The following DCAKD variants were observed in gnomAD, a reference collection of about 807,000 sequenced individuals.
DCAKD encodes dephospho-CoA kinase domain containing.
DCAKD carries 15 observed loss-of-function variants against 18.7 expected under a neutral mutation model. The ratio of observed to expected loss-of-function variants is 0.80; its 90% CI spans 0.54 to 1.24. The LOEUF is 1.24. Among genes scored for constraint, DCAKD ranks in the 50% most tolerant of loss-of-function variants. The probability of loss-of-function intolerance (pLI) is 0.00; values close to 1 mark genes in which losing one functional copy is unlikely to be tolerated. For synonymous variants in DCAKD, 130 were observed against 133.0 expected, an observed-to-expected ratio of 0.98 and a Z score of 0.16; for missense variants, 301 against 322.0, an observed-to-expected ratio of 0.93 and a Z score of 0.50.
intron 4 of DCAKD, chr17:45,026,439 G>A (rs942456458): frequency 5.4e-6 from 1 of 186,894 alleles, no homozygotes; most frequent in African/African-American, 2.4e-5. Flanking sequence ...TGTTAGCCAG[G>A]ATGGTCTCGA....
intron 3 of DCAKD, 66 bp from the exon 4 acceptor site, chr17:45,030,245 CTGGG>C: frequency 6.8e-7 from 1 of 1,460,114 alleles, no homozygotes; most frequent in Non-Finnish European, 9.6e-7. Context: ...TGATGATATG[CTGGG>C]CCCCACCGTC....
At chr17:45,055,127 T>C (rs2053766991), upstream of DCAKD, among the ~76,000 whole-genome samples, 1 of 152,160 alleles carries the variant, frequency 6.6e-6, no homozygotes, top group Non-Finnish European at 1.5e-5. Flanking sequence ...CTTTTTCAGC[T>C]CAAATATATG....
chr17:45,031,233 G>A (rs182824689), intron 3 of DCAKD: 15 of 985,260 alleles, frequency 1.5e-5, no homozygotes, highest in East Asian at 1.1e-4. Context: ...GGACAATGGC[G>A]GTGGGGGGGT....
chr17:45,034,906 C>A lies in DCAKD; in HGVS notation c.-21G>T, dbSNP rs1369946108. The A allele has an allele frequency of 1.2e-6, 2 of 1,612,810 alleles. No homozygotes were observed. The highest frequency in any genetic ancestry group is 2.2e-5 in the East Asian group (1 of 44,874). ...AACATCTTCCAGGAAAGAGAGCTGT[C>A]CGCGAGACTACGGAGCCAGGAGCTA... is the stretch of plus-strand genomic sequence containing the variant. On this transcript the variant is annotated 5_prime_UTR_variant, in exon 2 of 5. Coordinates refer to ENST00000651974, the MANE Select transcript of DCAKD (RefSeq NM_001288655.2).
At chr17:45,034,579 G>T (rs963582936) in intron 2 of DCAKD, among the ~76,000 whole-genome samples, 189 bp from the exon 3 acceptor site, 8 of 152,170 alleles carry the variant, frequency 5.3e-5, no homozygotes, top group African/African-American at 1.9e-4. Context: ...CTGGTAATGG[G>T]GTACAGCTGG....
At chr17:45,034,461 G>T in intron 2 of DCAKD, 71 bp from the exon 3 acceptor site, 2 of 1,554,828 alleles carry the variant, frequency 1.3e-6, no homozygotes, top group Non-Finnish European at 1.8e-6. Flanking sequence ...CAGTGACCAG[G>T]GGCAAAATGA....
chr17:45,029,026 T>A (rs7209081), intron 4 of DCAKD, among the ~76,000 whole-genome samples: 33,531 of 152,128 alleles, frequency 0.22, 4,247 homozygotes, highest in African/African-American at 0.33. Context: ...TTAAAAAAAA[T>A]GTTTTTATCC....
At chr17:45,025,663 G>T (rs2053038097) in intron 4 of DCAKD, among the ~76,000 whole-genome samples, 1 of 151,928 alleles carries the variant, frequency 6.6e-6, no homozygotes, top group Non-Finnish European at 1.5e-5. Context: ...TCTACCATTT[G>T]GGGTCTTTCT....
chr17:45,056,911 A>G (rs921272053), intron 1 of DCAKD, among the ~76,000 whole-genome samples: 14 of 151,530 alleles, frequency 9.2e-5, no homozygotes, highest in Non-Finnish European at 2.1e-4. Context: ...GGGACTACAG[A>G]CGCCCGCCAC....
At chr17:45,035,453 C>T (rs1447532346) in intron 1 of DCAKD, among the ~76,000 whole-genome samples, 1 of 94,316 alleles carries the variant, frequency 1.1e-5, no homozygotes, top group East Asian at 2.3e-4. Context: ...TGCACTGCAG[C>T]CGTGGGTGAC....
upstream of DCAKD, among the ~76,000 whole-genome samples, chr17:45,055,519 C>G (rs1267125922): frequency 6.6e-6 from 1 of 152,118 alleles, no homozygotes; most frequent in African/African-American, 2.4e-5. Context: ...GCTGGAACCA[C>G]AGGCACACAC....
intron 1 of DCAKD, among the ~76,000 whole-genome samples, chr17:45,038,486 G>A (rs976592827): frequency 3.3e-5 from 5 of 152,174 alleles, no homozygotes; most frequent in Admixed American, 1.3e-4. Flanking sequence ...CTAGACCCCT[G>A]CCTTTAATGT....
At chr17:45,032,737 C>T (rs1436114881) in intron 3 of DCAKD, among the ~76,000 whole-genome samples, 2 of 144,910 alleles carry the variant, frequency 1.4e-5, no homozygotes, top group South Asian at 2.2e-4. Flanking sequence ...GAGCCGAGAT[C>T]GCTCCACTGC....
chr17:45,029,576 G>A (rs1479037373), intron 4 of DCAKD, among the ~76,000 whole-genome samples: 11 of 152,204 alleles, frequency 7.2e-5, no homozygotes, highest in Admixed American at 5.2e-4. Context: ...GGAATTCTGA[G>A]AACAAAGTGC....
At chr17:45,058,396 C>T (rs2053810346) in intron 1 of DCAKD, among the ~76,000 whole-genome samples, 1 of 152,102 alleles carries the variant, frequency 6.6e-6, no homozygotes, top group African/African-American at 2.4e-5. Flanking sequence ...GCTGGGATTA[C>T]AGGCATGAGC....
intron 1 of DCAKD, among the ~76,000 whole-genome samples, chr17:45,044,118 A>T (rs911267918): frequency 8.5e-5 from 13 of 152,120 alleles, no homozygotes; most frequent in African/African-American, 2.9e-4. Context: ...GCCGTCTAAC[A>T]GTTACCATCT....
upstream of DCAKD, among the ~76,000 whole-genome samples, chr17:45,056,172 G>A (rs1289674014): frequency 6.9e-6 from 1 of 144,654 alleles, no homozygotes; most frequent in Non-Finnish European, 1.5e-5. Context: ...AAAAAAAAAA[G>A]AAGGTTATCT....
rs57106886 is a variant in DCAKD, at chr17:45,049,713, CTTTTTTTTTT to C, written c.-115+1638_-115+1647del. Among the ~76,000 whole-genome samples, 359 of 111,890 alleles carry C rather than the reference CTTTTTTTTTT, an allele frequency of 3.2e-3. 3 individuals carry two copies. Among genetic ancestry groups the C allele is most frequent in the African/African-American group, 0.011 (334 of 30,406 alleles). The allele number at this position is 111,890 out of a possible 152,430, so 73.4% of individuals were successfully genotyped here. A position where few individuals can be genotyped will look rare whatever the true frequency, so the allele number is the denominator to read the frequency against. On this transcript the variant is annotated intron_variant, in intron 1 of 4. Coordinates refer to ENST00000651974, the MANE Select transcript of DCAKD (RefSeq NM_001288655.2). ...AGCAGGTAATTTTCTTTTTCTTTTC[CTTTTTTTTTT>C]TTTTTTTTTTTTTGAAACAGAGTCT...
At chr17:45,031,605 G>T in intron 3 of DCAKD, 1 of 985,362 alleles carries the variant, frequency 1.0e-6, no homozygotes, top group Middle Eastern at 5.2e-4. Flanking sequence ...TGGAGCAGAA[G>T]CCAAGACTAG....
Sources: gnomAD v4.1 joint callset for allele counts (sites outside exome capture counted in the v4.1 genomes callset) on GRCh38, gnomAD v4.1.1 for gene constraint, MANE v1.5 for transcripts, NCBI Gene and HGNC (gene_info 2026-07-23, HGNC 2026-07-21) for gene names.